SCD5: variants seen among roughly 807,000 people sequenced by gnomAD.
SCD5 encodes acyl-CoA-desaturase 4.
SCD5 carries 20 observed loss-of-function variants against 30.4 expected under a neutral mutation model. The observed-to-expected ratio is 0.66, with a 90% CI of 0.46 to 0.96. SCD5 has a LOEUF of 0.96. Among genes scored for constraint, SCD5 ranks in the 40% least tolerant of loss-of-function variants. The probability of loss-of-function intolerance (pLI) is 0.00; values close to 1 mark genes in which losing one functional copy is unlikely to be tolerated. For missense variants in SCD5, 381 were observed against 443.3 expected (o/e 0.86, Z 1.26); for synonymous variants, 173 against 176.4 (o/e 0.98, Z 0.16).
At chr4:82,794,673 G>A (rs1354252648) in intron 1 of SCD5, among the ~76,000 whole-genome samples, 2 of 147,854 alleles carry the variant, frequency 1.4e-5, no homozygotes, top group Non-Finnish European at 3.0e-5. Flanking sequence ...TTTTTGAGAC[G>A]GAGTCTCACT....
intron 1 of SCD5, among the ~76,000 whole-genome samples, chr4:82,757,209 C>T (rs183855656): frequency 2.0e-5 from 3 of 152,306 alleles, no homozygotes; most frequent in Non-Finnish European, 2.9e-5. Flanking sequence ...AATTCATCTC[C>T]ATCCTGCTGT....
chr4:82,660,531 A>G (rs1460798800), intron 3 of SCD5: 3 of 1,131,782 alleles, frequency 2.7e-6, no homozygotes, highest in Non-Finnish European at 3.3e-6. Flanking sequence ...TAATAACACA[A>G]ATATTTATTG....
intron 1 of SCD5, among the ~76,000 whole-genome samples, chr4:82,706,102 G>A (rs561040563): frequency 1.3e-5 from 2 of 152,138 alleles, no homozygotes; most frequent in Admixed American, 6.5e-5. Context: ...AAAAAGCTCT[G>A]GCCTCCTTTG....
intron 3 of SCD5, among the ~76,000 whole-genome samples, chr4:82,671,825 G>A (rs1728331977): frequency 6.6e-6 from 1 of 152,170 alleles, no homozygotes; most frequent in African/African-American, 2.4e-5. Context: ...AGGTTGCAGT[G>A]GGCTGAGATT....
chr4:82,759,091 C>G (rs1268319112), intron 1 of SCD5, among the ~76,000 whole-genome samples: 15 of 152,234 alleles, frequency 9.9e-5, no homozygotes, highest in Admixed American at 9.8e-4. Context: ...CTTTCCTCTA[C>G]AGCCCCAGCA....
At chr4:82,724,066 T>C (rs1320941060) in intron 1 of SCD5, among the ~76,000 whole-genome samples, 1 of 152,214 alleles carries the variant, frequency 6.6e-6, no homozygotes, top group Non-Finnish European at 1.5e-5. Context: ...AAAAAAGTTA[T>C]AGGTAAATAA....
At chr4:82,741,996 C>T (rs371874395) in intron 1 of SCD5, among the ~76,000 whole-genome samples, 12 of 150,002 alleles carry the variant, frequency 8.0e-5, no homozygotes, top group African/African-American at 2.7e-4. Context: ...AGGAAAATGG[C>T]GTGAAACCGG....
At position 82,637,266 on chromosome 4, in the gene SCD5, C is replaced by T. The variant is rs184937417; in HGVS notation, c.570-443G>A. Among the ~76,000 whole-genome samples, 5 of 152,320 alleles carry T rather than the reference C, an allele frequency of 3.3e-5. No homozygotes were observed. The East Asian group carries it at 7.7e-4, about 24-fold the overall frequency. On this transcript the variant is annotated intron_variant, in intron 3 of 4. Coordinates refer to ENST00000319540, the MANE Select transcript of SCD5 (RefSeq NM_001037582.3). ...TGCTTCTTAAATAATTTTAGGTACA[C>T]AATTCTGTACTAACTCACCTTGGTA...
At chr4:82,710,338 C>T (rs1395841599) in intron 1 of SCD5, among the ~76,000 whole-genome samples, 1 of 152,172 alleles carries the variant, frequency 6.6e-6, no homozygotes, top group Non-Finnish European at 1.5e-5. Context: ...GATGCTGACT[C>T]TCCATGGGGC....
intron 1 of SCD5, among the ~76,000 whole-genome samples, chr4:82,711,520 C>A (rs570177694): frequency 6.6e-6 from 1 of 152,210 alleles, no homozygotes; most frequent in South Asian, 2.1e-4. Context: ...TTGAGACCAG[C>A]CTGGATGACA....
chr4:82,722,585 G>A (rs1225313941), intron 1 of SCD5, among the ~76,000 whole-genome samples: 1 of 152,148 alleles, frequency 6.6e-6, no homozygotes, highest in East Asian at 1.9e-4. Context: ...CCAACGTGGT[G>A]AAACACTAGG....
intron 1 of SCD5, among the ~76,000 whole-genome samples, chr4:82,779,957 T>C (rs182455241): frequency 3.3e-5 from 5 of 152,366 alleles, no homozygotes; most frequent in Admixed American, 3.3e-4. Context: ...AAATTAGTTA[T>C]AAAATAACTT....
In SCD5 at chr4:82,629,867, C is replaced by T. The variant is rs1210932732; in HGVS notation, c.*1460G>A. 1 of 152,122 alleles carries T rather than the reference C, an allele frequency of 6.6e-6. No homozygotes were observed. Among genetic ancestry groups the T allele is most frequent in the Non-Finnish European group, 1.5e-5 (1 of 68,030 alleles). 9.4% of individuals were successfully genotyped at this position (152,122 alleles called of 1,614,324 possible). ...TTTAATCCAGAAGCTACATAATGAT[C>T]ACTTTATATTTTGCTACAAAATTAA... is the stretch of plus-strand genomic sequence containing the variant. On this transcript the variant is annotated 3_prime_UTR_variant, in exon 5 of 5. Transcript: ENST00000319540.
intron 1 of SCD5, among the ~76,000 whole-genome samples, chr4:82,768,861 T>C (rs1041973134): frequency 1.3e-5 from 2 of 151,744 alleles, no homozygotes; most frequent in Non-Finnish European, 2.9e-5. Flanking sequence ...AGAGGTGTAG[T>C]GTGAAGGTGG....
intron 3 of SCD5, among the ~76,000 whole-genome samples, chr4:82,669,002 A>C (rs1365503471): frequency 6.6e-6 from 1 of 152,230 alleles, no homozygotes; most frequent in African/African-American, 2.4e-5. Context: ...TTAACTTAGC[A>C]ACAGGTAGAG....
intron 1 of SCD5, among the ~76,000 whole-genome samples, chr4:82,711,092 C>A (rs1419697524): frequency 6.6e-6 from 1 of 152,120 alleles, no homozygotes; most frequent in East Asian, 1.9e-4. Context: ...AGGGGTACTG[C>A]ATGCAAAATT....
intron 1 of SCD5, among the ~76,000 whole-genome samples, chr4:82,787,140 G>T (rs1056641466): frequency 1.3e-5 from 2 of 152,152 alleles, no homozygotes. Flanking sequence ...CCCTTTTGAA[G>T]CAAAATCTGA....
At chr4:82,699,397 T>G (rs1719765662) in intron 2 of SCD5, among the ~76,000 whole-genome samples, 1 of 152,168 alleles carries the variant, frequency 6.6e-6, no homozygotes, top group Non-Finnish European at 1.5e-5. Context: ...ATGACTTTTT[T>G]TTTTTGAGAC....
chr4:82,790,668 G>A (rs1722081462), intron 1 of SCD5, among the ~76,000 whole-genome samples: 1 of 152,190 alleles, frequency 6.6e-6, no homozygotes. Flanking sequence ...CAACTGGCCT[G>A]TAAGTGCAAT....
Sources: gnomAD v4.1 joint callset for allele counts (sites outside exome capture counted in the v4.1 genomes callset) on GRCh38, gnomAD v4.1.1 for gene constraint, MANE v1.5 for transcripts, NCBI Gene and HGNC (gene_info 2026-07-23, HGNC 2026-07-21) for gene names.